The following RYK variants were observed in gnomAD, a reference collection of about 807,000 sequenced individuals.
RYK encodes receptor like tyrosine kinase, also known as inactive tyrosine-protein kinase RYK.
Under a neutral mutation model 70.2 loss-of-function variants are expected in RYK, and 21 were observed. The observed-to-expected ratio is 0.30, with a 90% confidence interval of 0.21 to 0.43. The LOEUF (loss-of-function observed/expected upper bound fraction) is 0.43, where lower values mean the gene tolerates loss of function less well. Ranked by LOEUF, RYK falls within the 20% of genes least tolerant of loss-of-function variation. The pLI is 1.00. For synonymous variants in RYK, 267 were observed against 278.0 expected, an observed-to-expected ratio of 0.96 and a Z score of 0.39; for missense variants, 604 against 753.3, an observed-to-expected ratio of 0.80 and a Z score of 2.32.
intron 9 of RYK, among the ~76,000 whole-genome samples, chr3:134,184,961 CA>C (rs34543975): frequency 0.4 from 32,116 of 80,358 alleles, 3,837 homozygotes; most frequent in South Asian, 0.42. Context: ...CCCATCTCTA[CA>C]AAAAAAAAAA....
At chr3:134,198,965 C>A (rs898050420) in intron 6 of RYK, among the ~76,000 whole-genome samples, 12 of 152,086 alleles carry the variant, frequency 7.9e-5, no homozygotes, top group African/African-American at 2.7e-4. Flanking sequence ...GTTCAAGCAT[C>A]CCACAAAGGA....
At chr3:134,206,139 G>C (rs1576520704) in intron 5 of RYK, among the ~76,000 whole-genome samples, 3 of 152,032 alleles carry the variant, frequency 2.0e-5, no homozygotes, top group Non-Finnish European at 2.9e-5. Flanking sequence ...CCAGCAAGTA[G>C]ACGATATGTC....
At chr3:134,219,961 A>G (rs1193925154) in intron 2 of RYK, among the ~76,000 whole-genome samples, 2 of 152,354 alleles carry the variant, frequency 1.3e-5, no homozygotes, top group African/African-American at 4.8e-5. Context: ...CTTACTAACT[A>G]TATATAAAGT....
At chr3:134,191,359 C>T (rs983215708) in intron 8 of RYK, among the ~76,000 whole-genome samples, 1 of 152,112 alleles carries the variant, frequency 6.6e-6, no homozygotes, top group Non-Finnish European at 1.5e-5. Context: ...GAGATGACAA[C>T]GCAGTCCAAA....
intron 13 of RYK, among the ~76,000 whole-genome samples, chr3:134,173,900 A>G (rs1208944957): frequency 1.3e-5 from 2 of 152,198 alleles, no homozygotes; most frequent in African/African-American, 2.4e-5. Context: ...GATCATTTCA[A>G]TTATTGACTG....
intron 13 of RYK, among the ~76,000 whole-genome samples, chr3:134,165,657 T>C (rs2012640599): frequency 6.6e-6 from 1 of 152,166 alleles, no homozygotes; most frequent in African/African-American, 2.4e-5. Context: ...AGCTGAGAGA[T>C]GATGTTCCCA....
chr3:134,239,410 C>T (rs548322833), intron 1 of RYK, among the ~76,000 whole-genome samples: 36 of 151,898 alleles, frequency 2.4e-4, no homozygotes, highest in African/African-American at 8.5e-4. Context: ...TGCAGTGAGC[C>T]GTAACTGCAT....
chr3:134,173,376 A>ATATC (rs1198296268), intron 13 of RYK, among the ~76,000 whole-genome samples: 1 of 152,258 alleles, frequency 6.6e-6, no homozygotes, highest in Non-Finnish European at 1.5e-5. Context: ...AAGGAGCAAT[A>ATATC]TATCTGTATT....
At chr3:134,220,694 A>G (rs1005461148) in intron 2 of RYK, among the ~76,000 whole-genome samples, 1 of 152,228 alleles carries the variant, frequency 6.6e-6, no homozygotes, top group Non-Finnish European at 1.5e-5. Flanking sequence ...ATACACACAC[A>G]GGGATACACA....
intron 1 of RYK, among the ~76,000 whole-genome samples, chr3:134,241,348 T>TCAAAAAAAAAAAAAGAAAGGTGA (rs2015322362): frequency 7.2e-6 from 1 of 138,496 alleles, no homozygotes; most frequent in East Asian, 2.4e-4. Context: ...AGACTCTATC[T>TCAAAAAAAAAAAAAGAAAGGTGA]CAAAAAAAAA....
chr3:134,162,626 C>T (rs1032059017), intron 13 of RYK, among the ~76,000 whole-genome samples: 1 of 152,128 alleles, frequency 6.6e-6, no homozygotes, highest in Non-Finnish European at 1.5e-5. Context: ...GGTGCCTGCT[C>T]ACAACTAGTT....
chr3:134,195,777 T>C (rs1426305474), intron 6 of RYK, among the ~76,000 whole-genome samples: 5 of 152,156 alleles, frequency 3.3e-5, no homozygotes, highest in African/African-American at 9.7e-5. Flanking sequence ...TGAAACCCTG[T>C]CTCTACTAAA....
chr3:134,231,366 TCA>T (rs2015054698), intron 1 of RYK, among the ~76,000 whole-genome samples: 1 of 152,140 alleles, frequency 6.6e-6, no homozygotes, highest in African/African-American at 2.4e-5. Context: ...CCCAAATTGC[TCA>T]AGGTCTCTCT....
At chr3:134,230,511 T>C (rs1321392607) in intron 1 of RYK, among the ~76,000 whole-genome samples, 2 of 152,162 alleles carry the variant, frequency 1.3e-5, no homozygotes, top group Admixed American at 6.5e-5. Context: ...ATAAGAGACT[T>C]TGTAACAATA....
At chr3:134,184,372 C>T (rs2013395269) in intron 9 of RYK, among the ~76,000 whole-genome samples, 3 of 152,202 alleles carry the variant, frequency 2.0e-5, no homozygotes, top group South Asian at 4.2e-4. Context: ...CAAATATTTG[C>T]ACAAATCCAC....
chr3:134,188,909 T>C lies in RYK; in HGVS notation c.1030A>G (p.Ile344Val). The part of the protein sequence containing the change: ...DVLQEGTFGR[I>V]FHGILIDEKD... ...TCATCTATTAAAATCCCATGGAAAATACGCCCAAAAGTACCTAAAAGGAAA... is the reference window on the plus strand; with the variant it reads ...TCATCTATTAAAATCCCATGGAAAACACGCCCAAAAGTACCTAAAAGGAAA... Residue 344 changes from isoleucine (I) to valine (V), a missense_variant, in exon 9 of 15, where the codon ATT (isoleucine) becomes GTT (valine). By Grantham distance (29) the Ile-to-Val change is conservative. Transcript: ENST00000623711. 2 of 1,567,588 alleles carry C rather than the reference T, an allele frequency of 1.3e-6. No individual in the cohort carries two copies. Among genetic ancestry groups the C allele is most frequent in the Non-Finnish European group, 1.7e-6 (2 of 1,145,298 alleles).
intron 13 of RYK, among the ~76,000 whole-genome samples, chr3:134,175,213 C>A (rs1427954916): frequency 1.3e-5 from 2 of 152,186 alleles, no homozygotes; most frequent in African/African-American, 4.8e-5. Flanking sequence ...CATGGTGGCA[C>A]ACGCCTGTAA....
intron 13 of RYK, among the ~76,000 whole-genome samples, chr3:134,161,338 G>A (rs2012464296): frequency 6.6e-6 from 1 of 152,142 alleles, no homozygotes; most frequent in Admixed American, 6.5e-5. Flanking sequence ...GATATTGTGG[G>A]CTGGAGGATT....
intron 13 of RYK, among the ~76,000 whole-genome samples, chr3:134,167,132 T>A (rs2012701152): frequency 6.6e-6 from 1 of 152,222 alleles, no homozygotes; most frequent in South Asian, 2.1e-4. Context: ...TAATAATGAA[T>A]AAAGTTTTCT....
Sources: gnomAD v4.1 joint callset for allele counts (sites outside exome capture counted in the v4.1 genomes callset) on GRCh38, gnomAD v4.1.1 for gene constraint, MANE v1.5 for transcripts, NCBI Gene and HGNC (gene_info 2026-07-23, HGNC 2026-07-21) for gene names.